TAF1: variants seen among roughly 807,000 people sequenced by gnomAD.
TAF1 encodes TATA-box binding protein associated factor 1.
A neutral mutation model predicts 138.5 loss-of-function variants in TAF1; 2 were observed. That is an observed-to-expected ratio of 0.01 (90% CI 0.01 to 0.05). The LOEUF is 0.05. Ranked by LOEUF, TAF1 falls within the 10% of genes least tolerant of loss-of-function variation. The pLI, the probability that TAF1 is intolerant of heterozygous loss-of-function variation, is 1.00. For missense variants in TAF1, 709 were observed against 1,478.0 expected (o/e 0.48, Z 8.53); for synonymous variants, 437 against 503.2 (o/e 0.87, Z 1.76).
chrX:71,442,628 G>GGTA (rs2037485971), intron 32 of TAF1, among the ~76,000 whole-genome samples: 1 of 111,710 alleles, frequency 9.0e-6, no homozygotes, highest in Non-Finnish European at 1.9e-5. Flanking sequence ...TCACTCTGAT[G>GGTA]GTAGTTTCTT....
intron 13 of TAF1, among the ~76,000 whole-genome samples, chrX:71,496,845 G>A (rs1055940519): frequency 9.1e-6 from 1 of 110,059 alleles, no homozygotes; most frequent in Non-Finnish European, 1.9e-5. Flanking sequence ...TTTGACTTTC[G>A]CTTCAGCAGT....
In TAF1 at chrX:71,398,686, G is replaced by C; in HGVS notation, c.3735G>C (p.Lys1245Asn). ...LKRNQEKEKL[K>N]GPPEKKPKKM... is the part of the protein sequence containing the mutation. ...GGAACCAGGAAAAGGAGAAGCTTAAGGGTCCTCCTGAGAAGAAGCCCAAGA... is the reference window on the plus strand; with the variant it reads ...GGAACCAGGAAAAGGAGAAGCTTAACGGTCCTCCTGAGAAGAAGCCCAAGA... The change falls in exon 24 of 38, where the codon AAG (lysine) becomes AAC (asparagine). Residue 1245 changes from lysine to asparagine, a missense_variant. Coordinates refer to ENST00000423759, the MANE Select transcript of TAF1 (RefSeq NM_004606.5). 8.3e-7 allele frequency: 1 copy of C among 1,210,471 alleles called. No individual in the cohort carries two copies. The highest frequency in any genetic ancestry group is 1.1e-6 in the Non-Finnish European group (1 of 895,255).
At position 71,405,698 on chromosome X, in the gene TAF1, T is replaced by C. The variant is rs150397530; in HGVS notation, c.3999-940T>C. On this transcript the variant is annotated intron_variant, in intron 25 of 37. Transcript: ENST00000423759. ...CTAATATCCGTAATAGTCATTGTTT[T>C]TTGAAACACATTAGAAGAGGAAGAT... Among the ~76,000 whole-genome samples the C allele has an allele frequency of 8.3e-4, 93 of 112,123 alleles. 1 individual carries two copies. The East Asian group carries it at 0.025, about 30-fold the overall frequency.
rs1469042752 is a variant in TAF1 at position 71,454,164 on chromosome X, T to C, written c.4754-6T>C. The C allele has an allele frequency of 8.3e-7, 1 of 1,202,920 alleles. No individual in the cohort carries two copies. The highest frequency in any genetic ancestry group is 1.8e-5 in the South Asian group (1 of 56,166). On this transcript the variant is annotated splice_region_variant and splice_polypyrimidine_tract_variant and intron_variant, in intron 32 of 37. Coordinates refer to ENST00000423759, the MANE Select transcript of TAF1 (RefSeq NM_004606.5). ...AGATAATGGCACTTTCTTATTTTAT[T>C]TATAGGACCTGAGAGTCAGTATACT...
Position 71,378,382 on chromosome X carries a change from A to G in TAF1, c.1081A>G (p.Ser361Gly). The change falls in exon 7 of 38, where the codon AGT becomes GGT. Residue 361 changes from serine (S) to glycine (G), a missense_variant. Physicochemically the swap from Ser to Gly is moderately conservative, Grantham distance 56 (BLOSUM62 0). Transcript: ENST00000423759. ...TATGCTGGGTGTCCCTGAAGATGGC[A>G]GTGGGTTTGACTATGGCTTCAAACT... is the stretch of plus-strand genomic sequence containing the variant. ...YDMLGVPEDG[S>G]GFDYGFKLRK... is the part of the protein sequence containing the mutation. The G allele has an allele frequency of 8.2e-7, 1 of 1,212,126 alleles. No homozygotes were observed. The highest frequency in any genetic ancestry group is 1.8e-5 in the South Asian group (1 of 57,019).
chrX:71,413,950 G>A (rs1350078179), intron 28 of TAF1: 2 of 111,070 alleles, frequency 1.8e-5, no homozygotes, highest in African/African-American at 6.5e-5. Context: ...GCCCATCCAC[G>A]GATGTCTGGA....
chrX:71,371,077 A>G lies in TAF1; in HGVS notation c.352+2907A>G, dbSNP rs188190155. 2.6e-3 allele frequency among the ~76,000 whole-genome samples: 286 copies of G among 111,756 alleles called. 1 individual carries two copies. The highest frequency in any genetic ancestry group is 0.023 in the Middle Eastern group (5 of 218). Reference sequence around the variant, plus strand: ...CATGGTGGCAGTTATTTTCAGTAGAAGTTATAATTTCCAGGTTTGTGTTTG... The same window carrying G: ...CATGGTGGCAGTTATTTTCAGTAGAGGTTATAATTTCCAGGTTTGTGTTTG... On this transcript the variant is annotated intron_variant, in intron 3 of 37. Transcript: ENST00000423759.
intron 13 of TAF1, among the ~76,000 whole-genome samples, chrX:71,503,346 G>A (rs751157609): frequency 6.0e-4 from 55 of 91,709 alleles, no homozygotes; most frequent in African/African-American, 2.1e-3. Flanking sequence ...ATATATATGT[G>A]TATATATATA....
rs750278973 is a variant in TAF1, at chrX:71,506,217, T to A, written c.1367-22325T>A. On this transcript the variant is annotated intron_variant and NMD_transcript_variant, in intron 13 of 14. Transcript: ENST00000373775. ...CTCCGTCTCAAAATAAATAAATAAA[T>A]AAAAATAAATAAATAAATAAAAAAT... 1.4e-4 allele frequency among the ~76,000 whole-genome samples: 15 copies of A among 105,677 alleles called. No homozygotes were observed. In the East Asian group the frequency reaches 1.5e-3, roughly 10 times the overall value. The allele number at this position is 105,677 out of a possible 115,157, so 91.8% of individuals were successfully genotyped here. A position where few individuals can be genotyped will look rare whatever the true frequency, so the allele number is the denominator to read the frequency against.
At chrX:71,370,386 A>C (rs1397832074) in intron 3 of TAF1, among the ~76,000 whole-genome samples, 2 of 110,994 alleles carry the variant, frequency 1.8e-5, no homozygotes, top group African/African-American at 6.6e-5. Context: ...TCTCTCTGTC[A>C]CCAGGGCTGG....
At chrX:71,412,565 T>C (rs1262043211) in intron 28 of TAF1, among the ~76,000 whole-genome samples, 1 of 112,429 alleles carries the variant, frequency 8.9e-6, no homozygotes, top group Non-Finnish European at 1.9e-5. Flanking sequence ...AACATTTTTG[T>C]ACAGACTTGT....
At chrX:71,403,084 A>G (rs2035265841) in intron 25 of TAF1, among the ~76,000 whole-genome samples, 1 of 109,111 alleles carries the variant, frequency 9.2e-6, no homozygotes, top group African/African-American at 3.3e-5. Flanking sequence ...GCTGGAGTGC[A>G]GGGGCATGAT....
At chrX:71,423,947 T>C in intron 30 of TAF1, 27 bp from the exon 31 acceptor site, 2 of 1,129,751 alleles carry the variant, frequency 1.8e-6, no homozygotes, top group Non-Finnish European at 2.4e-6. Flanking sequence ...GGTTTCCATT[T>C]AATTTCTTAT....
chrX:71,420,231 G>T, intron 28 of TAF1: 1 of 795,212 alleles, frequency 1.3e-6, no homozygotes, highest in Non-Finnish European at 1.9e-6. Flanking sequence ...ACCCCGATCT[G>T]TTGTGCTGAT....
Position 71,451,227 on chromosome X carries a change from C to G in TAF1, c.4754-2943C>G, listed in dbSNP as rs559215782. On this transcript the variant is annotated intron_variant, in intron 32 of 37. Coordinates refer to ENST00000423759, the MANE Select transcript of TAF1 (RefSeq NM_004606.5). ...CAAACTACAAGCCACCAGTTTGCAA[C>G]TTGTAACTAAGGCCATATGGGGACC... 2.5e-4 allele frequency among the ~76,000 whole-genome samples: 28 copies of G among 111,990 alleles called. 1 individual carries two copies. In the South Asian group the frequency reaches 7.7e-3, roughly 31 times the overall value.
rs967506712 is a variant in TAF1, at chrX:71,460,503, G to T, written c.5222-123G>T. Reference sequence around the variant, plus strand: ...AGTTATAAGAGGCATTTGAGGAGAGGCGTATAGGCAAGATACCTGTGTAGA... The same window carrying T: ...AGTTATAAGAGGCATTTGAGGAGAGTCGTATAGGCAAGATACCTGTGTAGA... On this transcript the variant is annotated intron_variant, in intron 36 of 37. Transcript: ENST00000423759. 1.7e-5 allele frequency: 13 copies of T among 759,728 alleles called. No individual in the cohort carries two copies. The African/African-American group carries it at 2.8e-4, about 16-fold the overall frequency. 62.6% of individuals were successfully genotyped at this position (759,728 alleles called of 1,213,427 possible). A position where few individuals can be genotyped will look rare whatever the true frequency, so the allele number is the denominator to read the frequency against.
chrX:71,375,874 C>T (rs914184218), intron 4 of TAF1, among the ~76,000 whole-genome samples: 1 of 112,576 alleles, frequency 8.9e-6, no homozygotes, highest in Non-Finnish European at 1.9e-5. Context: ...TAAAGAGTTT[C>T]TTAAGTAATT....
intron 13 of TAF1, among the ~76,000 whole-genome samples, chrX:71,504,110 C>T (rs1333647291): frequency 9.0e-6 from 1 of 111,066 alleles, no homozygotes; most frequent in African/African-American, 3.3e-5. Context: ...TCCCTGTGAA[C>T]AGCAGCTTTA....
chrX:71,463,860 C>A lies in TAF1; in HGVS notation c.5436C>A (p.Asn1812Lys), dbSNP rs2038653435. The A allele has an allele frequency of 1.7e-6, 2 of 1,209,181 alleles. No homozygotes were observed. Among genetic ancestry groups the A allele is most frequent in the African/African-American group, 3.5e-5 (2 of 57,182 alleles). ...GSYEEPDPKS[N>K]TQDTSFSSIG... ...ATGAGGAGCCTGATCCCAAGTCGAA[C>A]ACCCAAGACACAAGCTTCAGCAGCA... Residue 1812 changes from asparagine to lysine, a missense_variant, in exon 38 of 38, where the codon AAC becomes AAA. Asn to Lys is a moderately conservative substitution (Grantham distance 94, BLOSUM62 0). Around this residue, in one of 14 missense-constraint regions of TAF1, gnomAD observed 123 missense variants for 174.7 expected, o/e 0.70. Transcript: ENST00000423759.
Sources: gnomAD v4.1 joint callset for allele counts (sites outside exome capture counted in the v4.1 genomes callset) on GRCh38, gnomAD v4.1.1 for gene constraint, gnomAD v4.1.1 regional missense constraint, MANE v1.5 for transcripts, NCBI Gene and HGNC (gene_info 2026-07-23, HGNC 2026-07-21) for gene names.